Variants in MYO3A observed in about 807,000 individuals in gnomAD.
MYO3A encodes myosin IIIA, also known as myosin-IIIa.
MYO3A carries 180 observed loss-of-function variants against 192.7 expected under a neutral mutation model. That is an observed-to-expected ratio of 0.93 (90% CI 0.83 to 1.06). The LOEUF (loss-of-function observed/expected upper bound fraction) is 1.06. Among genes scored for constraint, MYO3A ranks in the 50% least tolerant of loss-of-function variants. The probability of loss-of-function intolerance (pLI) is 0.00; values close to 1 mark genes in which losing one functional copy is unlikely to be tolerated. For missense variants in MYO3A, 1,896 were observed against 1,905.0 expected, an observed-to-expected ratio of 1.00 and a Z score of 0.09; for synonymous variants, 628 against 645.3, an observed-to-expected ratio of 0.97 and a Z score of 0.41.
chr10:25,947,297 C>T (rs762789626), intron 2 of MYO3A, among the ~76,000 whole-genome samples: 1 of 151,108 alleles, frequency 6.6e-6, no homozygotes, highest in Non-Finnish European at 1.5e-5. Context: ...TGATTTTGTA[C>T]AGTCTGTCTT....
At chr10:26,199,785 C>T (rs1843597667) in intron 32 of MYO3A, among the ~76,000 whole-genome samples, 1 of 152,112 alleles carries the variant, frequency 6.6e-6, no homozygotes, top group Non-Finnish European at 1.5e-5. Context: ...AAGGGCATCT[C>T]TGTCACTCAA....
intron 14 of MYO3A, among the ~76,000 whole-genome samples, chr10:26,073,297 A>C (rs12262336): frequency 0.47 from 71,935 of 151,750 alleles, 17,825 homozygotes; most frequent in Middle Eastern, 0.58. Flanking sequence ...TGAGGCCGGG[A>C]GTGGTGGCTC....
chr10:25,992,089 G>A (rs9732264), intron 4 of MYO3A, among the ~76,000 whole-genome samples: 4,157 of 152,132 alleles, frequency 0.027, 209 homozygotes, highest in African/African-American at 0.094. Context: ...CACTGAATCT[G>A]TAAATTACCT....
At chr10:26,056,096 A>G (rs1834094102) in intron 10 of MYO3A, among the ~76,000 whole-genome samples, 1 of 152,198 alleles carries the variant, frequency 6.6e-6, no homozygotes, top group African/African-American at 2.4e-5. Context: ...TAGTGGATGA[A>G]GTAGATGACC....
chr10:26,047,150 G>T (rs1439467206), intron 10 of MYO3A, among the ~76,000 whole-genome samples: 2 of 152,092 alleles, frequency 1.3e-5, no homozygotes, highest in Non-Finnish European at 2.9e-5. Context: ...TTTGTTCAAA[G>T]AGATTTCTGA....
chr10:25,965,962 TC>T (rs11327011), intron 4 of MYO3A, among the ~76,000 whole-genome samples: 23 of 128,856 alleles, frequency 1.8e-4, no homozygotes, highest in African/African-American at 6.6e-4. Context: ...TTTTTTTTTC[TC>T]TCTCTCTCTC....
At chr10:26,027,756 A>G (rs180872529) in intron 10 of MYO3A, among the ~76,000 whole-genome samples, 1 of 152,336 alleles carries the variant, frequency 6.6e-6, no homozygotes. Context: ...TTCTTCTAAC[A>G]CAACATTTTA....
At chr10:25,949,171 A>G (rs1234635355) in intron 2 of MYO3A, among the ~76,000 whole-genome samples, 1 of 152,094 alleles carries the variant, frequency 6.6e-6, no homozygotes, top group Non-Finnish European at 1.5e-5. Context: ...ATGTTTATTA[A>G]TCTATCCATG....
intron 10 of MYO3A, among the ~76,000 whole-genome samples, chr10:26,059,138 A>G (rs1834310371): frequency 6.6e-6 from 1 of 152,132 alleles, no homozygotes; most frequent in Admixed American, 6.5e-5. Flanking sequence ...GAGAACAAAG[A>G]TAGTTTTATT....
At chr10:26,184,773 C>T (rs530326345) in intron 31 of MYO3A, among the ~76,000 whole-genome samples, 15 of 152,290 alleles carry the variant, frequency 9.8e-5, no homozygotes, top group South Asian at 4.1e-4. Flanking sequence ...ATATTTACCA[C>T]GCACAACCCA....
intron 10 of MYO3A, among the ~76,000 whole-genome samples, chr10:26,057,932 C>G (rs1314475877): frequency 6.8e-6 from 1 of 147,200 alleles, no homozygotes; most frequent in Non-Finnish European, 1.5e-5. Flanking sequence ...CCACTGTCAA[C>G]ATCCCACACC....
At chr10:25,956,690 TTC>T (rs1490464192) in intron 4 of MYO3A, among the ~76,000 whole-genome samples, 1 of 152,034 alleles carries the variant, frequency 6.6e-6, no homozygotes, top group Non-Finnish European at 1.5e-5. Context: ...TATTAAAAAA[TTC>T]TTAATATTTA....
At chr10:26,132,552 G>A (rs890557059) in intron 20 of MYO3A, among the ~76,000 whole-genome samples, 17 of 152,210 alleles carry the variant, frequency 1.1e-4, no homozygotes, top group African/African-American at 3.6e-4. Context: ...ATGCTACAGC[G>A]TATTGATCTA....
In MYO3A at chr10:26,088,368, T is replaced by C. The variant is rs150793986; in HGVS notation, c.1525T>C (p.Tyr509His). 216 of 1,613,998 alleles carry C rather than the reference T, an allele frequency of 1.3e-4. 1 individual carries two copies. In the Middle Eastern group the frequency reaches 4.0e-3, roughly 30 times the overall value. Residue 509 changes from tyrosine (Y) to histidine (H), a missense_variant, in exon 15 of 35, where the codon TAT becomes CAT. Coordinates refer to ENST00000642920, the MANE Select transcript of MYO3A (RefSeq NM_017433.5). ...GGTAGTGGGAGCACAGATTTCTGAA[T>C]ATCTCCTGGAAAAATCCCGAGTTAT... ...GAVVGAQISE[Y>H]LLEKSRVIHQ... is the part of the protein sequence containing the mutation.
chr10:26,045,967 T>C (rs1379481504), intron 10 of MYO3A, among the ~76,000 whole-genome samples: 1 of 152,180 alleles, frequency 6.6e-6, no homozygotes, highest in African/African-American at 2.4e-5. Flanking sequence ...TAAGAACTCA[T>C]TCATGTGGAG....
chr10:26,206,576 A>G lies in MYO3A; in HGVS notation c.4730+3469A>G, dbSNP rs1843962193. Among the ~76,000 whole-genome samples the G allele has an allele frequency of 2.0e-5, 3 of 151,036 alleles. No individual in the cohort carries two copies. The South Asian group carries it at 6.3e-4, about 32-fold the overall frequency. On this transcript the variant is annotated intron_variant, in intron 34 of 34. Coordinates refer to ENST00000642920, the MANE Select transcript of MYO3A (RefSeq NM_017433.5). ...TGATTCTCCTGCCTCAGCCTCCCAAATACCTGGGATTACAGGTGCCTGCCA... is the reference window on the plus strand; with the variant it reads ...TGATTCTCCTGCCTCAGCCTCCCAAGTACCTGGGATTACAGGTGCCTGCCA...
intron 34 of MYO3A, among the ~76,000 whole-genome samples, chr10:26,210,210 T>G (rs1015624888): frequency 1.3e-5 from 2 of 152,156 alleles, no homozygotes; most frequent in African/African-American, 4.8e-5. Flanking sequence ...ATTTGTGAAC[T>G]GAAATATCTA....
intron 4 of MYO3A, among the ~76,000 whole-genome samples, chr10:25,955,278 A>G (rs1305187730): frequency 1.3e-5 from 2 of 152,198 alleles, no homozygotes; most frequent in Admixed American, 1.3e-4. Flanking sequence ...AGAAAAATTA[A>G]AAGGGATTTC....
chr10:26,157,676 T>G (rs1332517203), intron 26 of MYO3A, among the ~76,000 whole-genome samples, 161 bp downstream of exon 26: 1 of 152,178 alleles, frequency 6.6e-6, no homozygotes, highest in Non-Finnish European at 1.5e-5. Flanking sequence ...AGCTATTAAC[T>G]GAGGCTGAAA....
Sources: gnomAD v4.1 joint callset for allele counts (sites outside exome capture counted in the v4.1 genomes callset) on GRCh38, gnomAD v4.1.1 for gene constraint, MANE v1.5 for transcripts, NCBI Gene and HGNC (gene_info 2026-07-23, HGNC 2026-07-21) for gene names.